SGCD: variants seen among roughly 807,000 people sequenced by gnomAD.
SGCD encodes the protein sarcoglycan delta, also known as delta-sarcoglycan.
Under a neutral mutation model 36.6 loss-of-function variants are expected in SGCD, and 18 were observed. The ratio of observed to expected loss-of-function variants is 0.49; its 90% CI spans 0.34 to 0.73. SGCD has a LOEUF of 0.73. Among genes scored for constraint, SGCD ranks in the 30% least tolerant of loss-of-function variants. The pLI is 0.01. For synonymous variants in SGCD, 133 were observed against 130.6 expected, an observed-to-expected ratio of 1.02 and a Z score of -0.12; for missense variants, 387 against 346.7, an observed-to-expected ratio of 1.12 and a Z score of -0.92.
At chr5:155,760,229 G>C in the SGCD span, among the ~76,000 whole-genome samples, 1,436 of 55,532 alleles carry the variant, frequency 0.026, no homozygotes, top group Middle Eastern at 0.044. Context: ...CCATCACCCT[G>C]TCCATCATCA....
intron 1 of SGCD, among the ~76,000 whole-genome samples, chr5:155,954,201 C>G (rs562942954): frequency 1.3e-5 from 2 of 152,108 alleles, no homozygotes; most frequent in African/African-American, 4.8e-5. Flanking sequence ...TTTCAAAGAG[C>G]GTTTGAAAGT....
At chr5:156,214,844 G>T (rs1206737809) in intron 3 of SGCD, among the ~76,000 whole-genome samples, 1 of 151,874 alleles carries the variant, frequency 6.6e-6, no homozygotes, top group Non-Finnish European at 1.5e-5. Flanking sequence ...CACACAATGG[G>T]GAAAAGACAG....
At chr5:156,296,352 A>T (rs554538693) in intron 3 of SGCD, among the ~76,000 whole-genome samples, 1 of 152,352 alleles carries the variant, frequency 6.6e-6, no homozygotes, top group East Asian at 1.9e-4. Flanking sequence ...TGTATAAGAC[A>T]GTCCAATTTA....
At chr5:156,259,723 G>C (rs1008860065) in intron 3 of SGCD, among the ~76,000 whole-genome samples, 1 of 152,058 alleles carries the variant, frequency 6.6e-6, no homozygotes, top group African/African-American at 2.4e-5. Context: ...TTCATTGGCG[G>C]TGGGGCCCTT....
chr5:155,727,832 G>A, the SGCD span, among the ~76,000 whole-genome samples: 2 of 152,228 alleles, frequency 1.3e-5, no homozygotes, highest in South Asian at 2.1e-4. Context: ...GGGGCAAGCC[G>A]GAACAAGCTC....
chr5:156,577,204 G>A (rs1346551249), intron 4 of SGCD, among the ~76,000 whole-genome samples: 2 of 152,084 alleles, frequency 1.3e-5, no homozygotes, highest in Admixed American at 1.3e-4. Context: ...TTTTTGTCAG[G>A]TTTGTCAAAG....
intron 3 of SGCD, among the ~76,000 whole-genome samples, chr5:156,443,436 G>A (rs1447784735): frequency 6.6e-6 from 1 of 152,122 alleles, no homozygotes; most frequent in African/African-American, 2.4e-5. Context: ...ATTCTGCAGC[G>A]TTTCCACCCC....
At chr5:156,536,197 A>T (rs1409386222) in intron 4 of SGCD, among the ~76,000 whole-genome samples, 1 of 152,170 alleles carries the variant, frequency 6.6e-6, no homozygotes, top group Non-Finnish European at 1.5e-5. Flanking sequence ...GATGCATTTT[A>T]AAAATCCTCC....
chr5:156,292,630 G>A (rs1261334244), intron 3 of SGCD, among the ~76,000 whole-genome samples: 3 of 152,060 alleles, frequency 2.0e-5, no homozygotes, highest in African/African-American at 7.2e-5. Context: ...AAGTAGAATT[G>A]CTGGATTATA....
chr5:156,207,707 A>G (rs1764326857), intron 3 of SGCD, among the ~76,000 whole-genome samples: 1 of 152,194 alleles, frequency 6.6e-6, no homozygotes, highest in Admixed American at 6.5e-5. Flanking sequence ...TAGAAATTTG[A>G]AAATGGTAAG....
chr5:156,538,226 G>A (rs1758200189), intron 4 of SGCD, among the ~76,000 whole-genome samples: 1 of 152,160 alleles, frequency 6.6e-6, no homozygotes, highest in African/African-American at 2.4e-5. Context: ...GGCAAAGCAT[G>A]TATTTGAAGA....
chr5:155,919,813 C>G (rs1482545092), intron 1 of SGCD, among the ~76,000 whole-genome samples: 1 of 152,098 alleles, frequency 6.6e-6, no homozygotes, highest in African/African-American at 2.4e-5. Flanking sequence ...ATTCAGTGAA[C>G]AAATATTTGG....
intron 3 of SGCD, among the ~76,000 whole-genome samples, chr5:156,190,759 T>C (rs1057043626): frequency 1.3e-5 from 2 of 152,112 alleles, no homozygotes; most frequent in African/African-American, 4.8e-5. Flanking sequence ...GGTGGTAGTT[T>C]CCACTTCAAA....
At chr5:156,229,541 A>T (rs1764958825) in intron 3 of SGCD, among the ~76,000 whole-genome samples, 1 of 151,590 alleles carries the variant, frequency 6.6e-6, no homozygotes, top group African/African-American at 2.4e-5. Flanking sequence ...TTTGCTGATA[A>T]TCTGAGAAGT....
At chr5:155,942,923 T>C (rs1052321103) in intron 1 of SGCD, among the ~76,000 whole-genome samples, 2 of 152,222 alleles carry the variant, frequency 1.3e-5, no homozygotes, top group African/African-American at 4.8e-5. Flanking sequence ...TAATGAGTCA[T>C]CATAGTCTAT....
intron 7 of SGCD, among the ~76,000 whole-genome samples, chr5:156,695,531 A>AGATAGATAGATG (rs1754285773): frequency 8.2e-6 from 1 of 122,378 alleles, no homozygotes; most frequent in African/African-American, 3.1e-5. Flanking sequence ...ATAGATAGAT[A>AGATAGATAGATG]GATAGATAGA....
At chr5:156,631,089 C>T (rs1427509019) in intron 6 of SGCD, among the ~76,000 whole-genome samples, 1 of 152,100 alleles carries the variant, frequency 6.6e-6, no homozygotes, top group Admixed American at 6.5e-5. Context: ...AGGTATAGAT[C>T]ACTATGTAAA....
chr5:156,337,339 T>C (rs534425972), intron 2 of SGCD, among the ~76,000 whole-genome samples: 24 of 152,296 alleles, frequency 1.6e-4, no homozygotes, highest in South Asian at 1.5e-3. Context: ...CCAAGAAAAA[T>C]AAAAACTTAC....
chr5:156,480,455 A>G (rs1333232058), intron 3 of SGCD, among the ~76,000 whole-genome samples: 1 of 152,164 alleles, frequency 6.6e-6, no homozygotes, highest in African/African-American at 2.4e-5. Flanking sequence ...TTGAATAAAA[A>G]CCCTGGGCTT....
Sources: allele counts gnomAD v4.1 joint callset (sites outside exome capture counted in the v4.1 genomes callset), GRCh38; gene constraint gnomAD v4.1.1; transcripts MANE v1.5; gene names NCBI Gene and HGNC (gene_info 2026-07-23, HGNC 2026-07-21).